Variants in UBE2D3 observed in about 807,000 individuals in gnomAD.
UBE2D3 encodes ubiquitin-conjugating enzyme E2 D3.
UBE2D3 carries 2 observed loss-of-function variants against 22.8 expected under a neutral mutation model. The observed-to-expected ratio is 0.09, with a 90% confidence interval of 0.04 to 0.28. The LOEUF is 0.28. UBE2D3 is among the 10% of genes least tolerant of loss of function. The pLI, the probability that UBE2D3 is intolerant of heterozygous loss-of-function variation, is 1.00. For missense variants in UBE2D3, 27 were observed against 182.5 expected (o/e 0.15, Z 4.91); for synonymous variants, 56 against 60.4 (o/e 0.93, Z 0.34).
At chr4:102,827,395 TCCCTG>T in intron 1 of UBE2D3, 27 bp downstream of exon 1, 1 of 985,986 alleles carries the variant, frequency 1.0e-6, no homozygotes, top group Non-Finnish European at 1.2e-6. Flanking sequence ...CGGCCTCCCT[TCCCTG>T]CCCTAGCCGT....
chr4:102,842,544 C>A (rs1254248721), intron 1 of UBE2D3, among the ~76,000 whole-genome samples: 1 of 150,912 alleles, frequency 6.6e-6, no homozygotes, highest in Non-Finnish European at 1.5e-5. Flanking sequence ...TGACAGAAAG[C>A]CTGTCTTAAA....
At chr4:102,857,075 G>C (rs1732656082) in intron 1 of UBE2D3, among the ~76,000 whole-genome samples, 1 of 152,162 alleles carries the variant, frequency 6.6e-6, no homozygotes, top group Non-Finnish European at 1.5e-5. Context: ...TAGCAGTACT[G>C]GTTCATCAGT....
chr4:102,798,109 TACA>T (rs1321560920), intron 7 of UBE2D3, among the ~76,000 whole-genome samples: 3 of 151,080 alleles, frequency 2.0e-5, no homozygotes, highest in African/African-American at 7.3e-5. Flanking sequence ...ACCTGTTGAG[TACA>T]ACAAGGGCAT....
chr4:102,818,479 T>G (rs565224097), intron 2 of UBE2D3, among the ~76,000 whole-genome samples: 1 of 152,210 alleles, frequency 6.6e-6, no homozygotes, highest in Non-Finnish European at 1.5e-5. Flanking sequence ...CTTTCTAAGC[T>G]AGGTAAATGA....
intron 1 of UBE2D3, among the ~76,000 whole-genome samples, chr4:102,868,184 T>A (rs1216037268): frequency 1.3e-5 from 2 of 150,524 alleles, no homozygotes; most frequent in African/African-American, 4.9e-5. Flanking sequence ...GCGATTCTCC[T>A]GCCTCAGTCT....
At chr4:102,799,949 CCT>C (rs1241467848) in intron 6 of UBE2D3, among the ~76,000 whole-genome samples, 1 of 151,784 alleles carries the variant, frequency 6.6e-6, no homozygotes, top group Non-Finnish European at 1.5e-5. Context: ...TGAGAAAAAC[CCT>C]CAAGTGCTCC....
At chr4:102,820,435 AAGGTTTAAC>A (rs1729418127) in intron 2 of UBE2D3, among the ~76,000 whole-genome samples, 1 of 152,216 alleles carries the variant, frequency 6.6e-6, no homozygotes, top group Admixed American at 6.5e-5. Context: ...TTTTTATCTT[AAGGTTTAAC>A]AGTAGGCACT....
chr4:102,829,839 T>C (rs1731017137), upstream of UBE2D3, among the ~76,000 whole-genome samples: 1 of 152,112 alleles, frequency 6.6e-6, no homozygotes, highest in Non-Finnish European at 1.5e-5. Context: ...CTTGGGAGGC[T>C]GAGGCCGGAG....
intron 1 of UBE2D3, chr4:102,843,676 A>AAG (rs35545298): frequency 0.54 from 82,557 of 151,888 alleles, 23,013 homozygotes; most frequent in African/African-American, 0.68. Flanking sequence ...AACCTGTGGC[A>AAG]AGTCCTGGAA....
chr4:102,853,918 T>G (rs761622816), intron 1 of UBE2D3, among the ~76,000 whole-genome samples: 2 of 152,136 alleles, frequency 1.3e-5, no homozygotes, highest in Non-Finnish European at 2.9e-5. Context: ...AACACTAAAT[T>G]AGAGGTGTGC....
rs1390983231 is a variant in UBE2D3 at position 102,796,869 on chromosome 4, T to C, written c.*546A>G. The C allele has an allele frequency of 6.6e-6, 1 of 152,484 alleles. No homozygotes were observed. The highest frequency in any genetic ancestry group is 2.1e-4 in the South Asian group (1 of 4,840). 9.4% of individuals were successfully genotyped at this position (152,484 alleles called of 1,614,324 possible). A position where few individuals can be genotyped will look rare whatever the true frequency, so the allele number is the denominator to read the frequency against. ...CCTTTATTGACATGCATAAAATACA[T>C]CACATTTTCTGTTCTGCTGATGCTA... On this transcript the variant is annotated 3_prime_UTR_variant, in exon 8 of 8. Coordinates refer to ENST00000453744, the MANE Select transcript of UBE2D3 (RefSeq NM_181891.3).
chr4:102,804,131 G>A (rs1185199620), intron 4 of UBE2D3, among the ~76,000 whole-genome samples: 1 of 151,786 alleles, frequency 6.6e-6, no homozygotes, highest in African/African-American at 2.4e-5. Flanking sequence ...TTTTGTAGGG[G>A]TGGAGGGCGG....
intron 1 of UBE2D3, among the ~76,000 whole-genome samples, chr4:102,864,582 G>T (rs111386652): frequency 6.6e-6 from 1 of 152,270 alleles, no homozygotes; most frequent in African/African-American, 2.4e-5. Context: ...AAAATTAATT[G>T]TATCTAGTCA....
intron 2 of UBE2D3, among the ~76,000 whole-genome samples, chr4:102,819,231 G>C (rs1729200875): frequency 6.6e-6 from 1 of 151,694 alleles, no homozygotes; most frequent in African/African-American, 2.4e-5. Context: ...TCGAGAGGCT[G>C]AGACAGGAGA....
chr4:102,867,666 G>C (rs1034944458), intron 1 of UBE2D3, among the ~76,000 whole-genome samples: 1 of 152,080 alleles, frequency 6.6e-6, no homozygotes, highest in Non-Finnish European at 1.5e-5. Flanking sequence ...GGGTGTGGCA[G>C]CACACGCCTG....
At chr4:102,861,996 T>C (rs1290814758) in intron 1 of UBE2D3, among the ~76,000 whole-genome samples, 1 of 152,006 alleles carries the variant, frequency 6.6e-6, no homozygotes, top group African/African-American at 2.4e-5. Flanking sequence ...TACCTCACTG[T>C]AACCTTAAAC....
At chr4:102,811,688 A>C (rs223414) in intron 2 of UBE2D3, 183,150 of 365,996 alleles carry the variant, frequency 0.5, 46,274 homozygotes, top group African/African-American at 0.66. Context: ...CAAAAAAAAA[A>C]CCCCAGAAAA....
chr4:102,797,895 A>C (rs1386774100), intron 7 of UBE2D3, among the ~76,000 whole-genome samples: 1 of 151,920 alleles, frequency 6.6e-6, no homozygotes. Flanking sequence ...TGAATCCTAG[A>C]GTTTGGGAAA....
chr4:102,868,864 C>G (rs1012225662), exon 1 of UBE2D3: 37 of 1,521,496 alleles, frequency 2.4e-5, no homozygotes, highest in Non-Finnish European at 3.3e-5. Flanking sequence ...GCCTCGCTAC[C>G]CGCCAGTTCC....
Sources: allele counts gnomAD v4.1 joint callset (sites outside exome capture counted in the v4.1 genomes callset), GRCh38; gene constraint gnomAD v4.1.1; transcripts MANE v1.5; gene names NCBI Gene and HGNC (gene_info 2026-07-23, HGNC 2026-07-21).